Variants in WWOX observed in about 807,000 individuals in gnomAD.
The protein encoded by WWOX is WW domain-containing oxidoreductase.
Under a neutral mutation model 46.2 loss-of-function variants are expected in WWOX, and 69 were observed. The ratio of observed to expected loss-of-function variants is 1.49; its 90% CI spans 1.23 to 1.82. The LOEUF is 1.82. Among genes scored for constraint, WWOX ranks in the 40% most tolerant of loss-of-function variants. WWOX has a pLI of 0.00. For missense variants in WWOX, 919 were observed against 542.6 expected, an observed-to-expected ratio of 1.69 and a Z score of -6.89; for synonymous variants, 359 against 202.6, an observed-to-expected ratio of 1.77 and a Z score of -6.56.
chr16:78,874,746 C>CCAGAACAT (rs2044201686), intron 8 of WWOX, among the ~76,000 whole-genome samples: 1 of 124,688 alleles, frequency 8.0e-6, no homozygotes, highest in African/African-American at 3.1e-5. Flanking sequence ...TCACAGGTTG[C>CCAGAACAT]CAGAACATCT....
intron 8 of WWOX, among the ~76,000 whole-genome samples, chr16:78,818,887 A>C (rs1275167242): frequency 2.6e-5 from 4 of 152,228 alleles, no homozygotes; most frequent in African/African-American, 9.6e-5. Context: ...TGTAAAGTGG[A>C]GGTTAAGTGT....
intron 8 of WWOX, among the ~76,000 whole-genome samples, chr16:79,197,528 C>CT (rs1308384649): frequency 6.6e-6 from 1 of 151,970 alleles, no homozygotes; most frequent in Non-Finnish European, 1.5e-5. Context: ...ACCAACCCTG[C>CT]TTTTTGTAGA....
chr16:78,820,757 G>A (rs2051471483), intron 8 of WWOX, among the ~76,000 whole-genome samples: 1 of 152,090 alleles, frequency 6.6e-6, no homozygotes. Context: ...TGGTTTTGGT[G>A]GCCGGAAGTC....
intron 8 of WWOX, among the ~76,000 whole-genome samples, chr16:78,921,235 C>G (rs1264311487): frequency 6.6e-6 from 1 of 152,122 alleles, no homozygotes; most frequent in Non-Finnish European, 1.5e-5. Flanking sequence ...AGACATTAGC[C>G]TCGAAACCGC....
intron 8 of WWOX, among the ~76,000 whole-genome samples, chr16:78,982,977 T>A (rs2046712402): frequency 6.6e-6 from 1 of 152,156 alleles, no homozygotes; most frequent in African/African-American, 2.4e-5. Flanking sequence ...GAAGCAGTCT[T>A]TGGGGCTGTG....
intron 8 of WWOX, among the ~76,000 whole-genome samples, chr16:78,902,324 A>G (rs766113405): frequency 1.3e-5 from 2 of 152,340 alleles, no homozygotes; most frequent in Non-Finnish European, 2.9e-5. Flanking sequence ...ACAGGAATGA[A>G]AAGTGTTCTG....
Position 78,686,486 on chromosome 16 carries a change from G to C in WWOX, c.1056+253734G>C, listed in dbSNP as rs1291458833. Among the ~76,000 whole-genome samples the C allele has an allele frequency of 6.6e-5, 10 of 150,648 alleles. No individual in the cohort carries two copies. In the Admixed American group the frequency reaches 6.7e-4, roughly 10 times the overall value. On this transcript the variant is annotated intron_variant, in intron 8 of 8. Transcript: ENST00000566780. ...AGATGGTGCCACTGTACTCCAGCCTGGGGGACAGAGCGAGACTCCCTGTCA... is the reference window on the plus strand; with the variant it reads ...AGATGGTGCCACTGTACTCCAGCCTCGGGGACAGAGCGAGACTCCCTGTCA...
rs759073899 is a variant in WWOX at position 78,418,812 on chromosome 16, C to T, written c.606-6058C>T. Among the ~76,000 whole-genome samples, 24 of 152,184 alleles carry T rather than the reference C, an allele frequency of 1.6e-4. 1 individual carries two copies. Among genetic ancestry groups the T allele is most frequent in the Admixed American group, 1.2e-3 (19 of 15,288 alleles). On this transcript the variant is annotated intron_variant, in intron 6 of 8. Coordinates refer to ENST00000566780, the MANE Select transcript of WWOX (RefSeq NM_016373.4). ...ATTTTCTCAACTCAATAAAGGGCAT[C>T]TGCAAAAAACCCACAAATGACATCA... is the stretch of plus-strand genomic sequence containing the variant.
At chr16:78,282,752 C>T (rs558472714) in intron 5 of WWOX, among the ~76,000 whole-genome samples, 3 of 152,008 alleles carry the variant, frequency 2.0e-5, no homozygotes, top group African/African-American at 7.2e-5. Context: ...GTGGTGTTCG[C>T]CTGTAGTCCC....
Position 78,916,691 on chromosome 16 carries a change from A to G in WWOX, c.1057-294917A>G, listed in dbSNP as rs865881076. Among the ~76,000 whole-genome samples the G allele has an allele frequency of 1.5e-3, 227 of 152,352 alleles. 2 individuals are homozygous for G. The highest frequency in any genetic ancestry group is 5.1e-3 in the African/African-American group (212 of 41,584). On this transcript the variant is annotated intron_variant, in intron 8 of 8. Transcript: ENST00000566780. Reference sequence around the variant, plus strand: ...TTCCATCCCAGGCACAATATCTCAGACTTGAAACAAAATAAAAGTGATTCT... The same window carrying G: ...TTCCATCCCAGGCACAATATCTCAGGCTTGAAACAAAATAAAAGTGATTCT...
At chr16:78,963,467 C>G (rs552882640) in intron 8 of WWOX, among the ~76,000 whole-genome samples, 190 of 152,274 alleles carry the variant, frequency 1.2e-3, no homozygotes, top group African/African-American at 4.5e-3. Context: ...TACCCCGTCT[C>G]AGAAACAAAA....
intron 8 of WWOX, among the ~76,000 whole-genome samples, chr16:78,761,209 A>G (rs745343423): frequency 1.3e-5 from 2 of 152,156 alleles, no homozygotes; most frequent in Non-Finnish European, 2.9e-5. Flanking sequence ...AATATAGTTA[A>G]TGGCCTCATC....
At chr16:78,898,752 T>A (rs1016001091) in intron 8 of WWOX, 1 of 152,160 alleles carries the variant, frequency 6.6e-6, no homozygotes, top group Non-Finnish European at 1.5e-5. Context: ...TGAGCATGCA[T>A]CTCTCCATTT....
chr16:79,149,513 T>G (rs2050238732), intron 8 of WWOX, among the ~76,000 whole-genome samples: 1 of 152,208 alleles, frequency 6.6e-6, no homozygotes, highest in South Asian at 2.1e-4. Context: ...AGCATACTGT[T>G]TGTTGGGTGG....
intron 8 of WWOX, among the ~76,000 whole-genome samples, chr16:79,159,822 G>A (rs2050450368): frequency 6.6e-6 from 1 of 152,168 alleles, no homozygotes; most frequent in Non-Finnish European, 1.5e-5. Flanking sequence ...TTCTAGTTGA[G>A]TCAGGATTTA....
At chr16:78,923,611 G>C (rs557322791) in intron 8 of WWOX, among the ~76,000 whole-genome samples, 10 of 151,964 alleles carry the variant, frequency 6.6e-5, no homozygotes, top group South Asian at 2.1e-4. Context: ...CTTGGCGGGT[G>C]GGGGGATATT....
intron 8 of WWOX, among the ~76,000 whole-genome samples, chr16:78,989,013 A>C (rs773118332): frequency 6.6e-6 from 1 of 152,212 alleles, no homozygotes; most frequent in Non-Finnish European, 1.5e-5. Context: ...CTGTTAAAAC[A>C]AGGAGGAAGT....
intron 4 of WWOX, among the ~76,000 whole-genome samples, chr16:78,157,316 C>A (rs570807614): frequency 6.6e-6 from 1 of 152,152 alleles, no homozygotes; most frequent in Non-Finnish European, 1.5e-5. Context: ...TCGGTGCCTG[C>A]CCCCAGCCAG....
chr16:78,401,086 C>T (rs538252579), intron 6 of WWOX, among the ~76,000 whole-genome samples: 115 of 152,310 alleles, frequency 7.6e-4, no homozygotes, highest in African/African-American at 2.7e-3. Flanking sequence ...TCCCAAAATA[C>T]TGGGATTACA....
Sources: gnomAD v4.1 joint callset for allele counts (sites outside exome capture counted in the v4.1 genomes callset) on GRCh38, gnomAD v4.1.1 for gene constraint, MANE v1.5 for transcripts, NCBI Gene and HGNC (gene_info 2026-07-23, HGNC 2026-07-21) for gene names.